The following DNAJC13 variants were observed in gnomAD, a reference collection of about 807,000 sequenced individuals.
DNAJC13 encodes DnaJ heat shock protein family (Hsp40) member C13.
Under a neutral mutation model 290.5 loss-of-function variants are expected in DNAJC13, and 75 were observed. That is an observed-to-expected ratio of 0.26 (90% CI 0.21 to 0.31). DNAJC13 has a LOEUF of 0.31. Ranked by LOEUF, DNAJC13 falls within the 10% of genes least tolerant of loss-of-function variation. The probability of loss-of-function intolerance (pLI) is 1.00; values close to 1 mark genes in which losing one functional copy is unlikely to be tolerated. For synonymous variants in DNAJC13, 862 were observed against 892.0 expected, an observed-to-expected ratio of 0.97 and a Z score of 0.60; for missense variants, 2,260 against 2,674.5, an observed-to-expected ratio of 0.85 and a Z score of 3.42.
At chr3:132,474,827 T>TTG in intron 21 of DNAJC13, 105 bp from the exon 22 acceptor site, 1 of 101,684 alleles carries the variant, frequency 9.8e-6, no homozygotes, top group Non-Finnish European at 2.0e-5. Flanking sequence ...CCCCCCCCCC[T>TTG]TTTTTTTTTT....
At chr3:132,514,211 C>T (rs1237638289) in intron 45 of DNAJC13, among the ~76,000 whole-genome samples, 1 of 152,100 alleles carries the variant, frequency 6.6e-6, no homozygotes, top group Non-Finnish European at 1.5e-5. Flanking sequence ...TAACCCCAAT[C>T]TATTGTGCAG....
intron 54 of DNAJC13, among the ~76,000 whole-genome samples, chr3:132,528,919 G>A (rs575173099): frequency 6.6e-6 from 1 of 151,936 alleles, no homozygotes; most frequent in African/African-American, 2.4e-5. Context: ...CTCATTCAGT[G>A]TACTATATAG....
chr3:132,471,106 G>C lies in DNAJC13; in HGVS notation c.2209-2039G>C, dbSNP rs993774383. On this transcript the variant is annotated intron_variant, in intron 20 of 55. Coordinates refer to ENST00000260818, the MANE Select transcript of DNAJC13 (RefSeq NM_015268.4). ...TCCCTCCCGGACGGGGCGGCTGGCC[G>C]GGTGGGGGGGCTGACCCCCCCATCT... 7.4e-5 allele frequency among the ~76,000 whole-genome samples: 10 copies of C among 134,588 alleles called. No individual in the cohort carries two copies. In the East Asian group the frequency reaches 1.7e-3, roughly 22 times the overall value. 88.3% of individuals were successfully genotyped at this position (134,588 alleles called of 152,430 possible).
intron 43 of DNAJC13, among the ~76,000 whole-genome samples, chr3:132,508,608 A>G (rs986933692): frequency 2.0e-5 from 3 of 152,204 alleles, no homozygotes; most frequent in Admixed American, 6.5e-5. Context: ...AAAAGTGGCT[A>G]TAATAGACAC....
intron 26 of DNAJC13, among the ~76,000 whole-genome samples, chr3:132,480,786 G>A (rs1345114657): frequency 6.6e-6 from 1 of 152,302 alleles, no homozygotes; most frequent in East Asian, 1.9e-4. Flanking sequence ...ACATTGGCAA[G>A]CAGTAAGAAT....
chr3:132,488,009 C>G (rs1002230352), intron 29 of DNAJC13, among the ~76,000 whole-genome samples: 1 of 152,104 alleles, frequency 6.6e-6, no homozygotes, highest in Non-Finnish European at 1.5e-5. Context: ...AAGATTCTTG[C>G]ACAAGAAGCA....
chr3:132,501,624 T>TC lies in DNAJC13; in HGVS notation c.4537-664dup, dbSNP rs142979006. Among the ~76,000 whole-genome samples, 668 of 151,944 alleles carry TC rather than the reference T, an allele frequency of 4.4e-3. 5 individuals are homozygous for TC. Among genetic ancestry groups the TC allele is most frequent in the African/African-American group, 0.014 (596 of 41,428 alleles). Reference sequence around the variant, plus strand: ...ATGTAAAACCTGAAAACTAGAGAGTTCGGCACTGCTTGGTGGGAAAGGCTT... The same window carrying TC: ...ATGTAAAACCTGAAAACTAGAGAGTTCCGGCACTGCTTGGTGGGAAAGGCTT... On this transcript the variant is annotated intron_variant, in intron 39 of 55. Transcript: ENST00000260818.
chr3:132,502,254 T>G lies in DNAJC13; in HGVS notation c.4537-35T>G, dbSNP rs753956694. The G allele has an allele frequency of 7.5e-6, 11 of 1,472,070 alleles. No homozygotes were observed. In the South Asian group the frequency reaches 1.6e-4, roughly 22 times the overall value. The allele number at this position is 1,472,070 out of a possible 1,614,324, so 91.2% of individuals were successfully genotyped here. ...GAGCTTTTTTTTTTTTTTTTAACTC[T>G]GTAACAACTAATGCTCTCATTTTTA... On this transcript the variant is annotated intron_variant, in intron 39 of 55. Transcript: ENST00000260818.
chr3:132,514,590 C>T lies in DNAJC13; in HGVS notation c.5405C>T (p.Ser1802Phe). The T allele has an allele frequency of 6.2e-7, 1 of 1,606,672 alleles. No individual in the cohort carries two copies. Among genetic ancestry groups the T allele is most frequent in the Non-Finnish European group, 8.5e-7 (1 of 1,177,318 alleles). ...LALEVVNIVT[S>F]NQDCVNNIAE... ...TTTCAGGTTGTGAATATAGTGACAT[C>T]TAACCAAGACTGTGTCAACAATATT... Residue 1802 changes from serine to phenylalanine, a missense_variant, in exon 46 of 56, where the codon TCT becomes TTT. Physicochemically the swap from Ser to Phe is radical, Grantham distance 155 (BLOSUM62 -2). Around this residue, in one of 3 missense-constraint regions of DNAJC13, gnomAD observed 1,494 missense variants for 1,693.7 expected, o/e 0.88. Coordinates refer to ENST00000260818, the MANE Select transcript of DNAJC13 (RefSeq NM_015268.4).
At chr3:132,474,603 G>T (rs1177611643) in intron 21 of DNAJC13, among the ~76,000 whole-genome samples, 1 of 144,502 alleles carries the variant, frequency 6.9e-6, no homozygotes, top group African/African-American at 2.5e-5. Context: ...AATATCAGGT[G>T]TTTTTTTTTT....
intron 30 of DNAJC13, 151 bp from the exon 31 acceptor site, chr3:132,488,825 T>C: frequency 1.6e-6 from 1 of 626,720 alleles, no homozygotes; most frequent in Non-Finnish European, 2.8e-6. Context: ...TCTTGCCTTA[T>C]TCAGAAATTA....
chr3:132,432,899 C>T (rs1939278994), intron 1 of DNAJC13, among the ~76,000 whole-genome samples: 1 of 152,192 alleles, frequency 6.6e-6, no homozygotes, highest in African/African-American at 2.4e-5. Context: ...AGTTTCTAAA[C>T]ACTTAATCTC....
rs993984782 is a variant in DNAJC13, at chr3:132,456,643, A to G, written c.1180-20A>G. On this transcript the variant is annotated intron_variant, in intron 11 of 55. Coordinates refer to ENST00000260818, the MANE Select transcript of DNAJC13 (RefSeq NM_015268.4). ...ACTTTTGGTATGGAAACTTTTTTGA[A>G]ATACTCTTTCTTCACCTAGGGTCTC... is the stretch of plus-strand genomic sequence containing the variant. 76 of 1,612,444 alleles carry G rather than the reference A, an allele frequency of 4.7e-5. No homozygotes were observed. The highest frequency in any genetic ancestry group is 6.2e-5 in the Non-Finnish European group (73 of 1,179,542).
chr3:132,442,875 G>C (rs1933118014), intron 2 of DNAJC13, among the ~76,000 whole-genome samples: 1 of 152,132 alleles, frequency 6.6e-6, no homozygotes, highest in South Asian at 2.1e-4. Context: ...TCTTTTTTCT[G>C]ATGTTATACT....
chr3:132,433,954 C>T (rs1296924274), intron 1 of DNAJC13, among the ~76,000 whole-genome samples: 1 of 152,218 alleles, frequency 6.6e-6, no homozygotes, highest in Non-Finnish European at 1.5e-5. Context: ...TGGCTCACGC[C>T]TGTAATCCCA....
At position 132,473,159 on chromosome 3, in the gene DNAJC13, G is replaced by A. The variant is rs1207105818; in HGVS notation, c.2223G>A (p.Lys741=). The A allele has an allele frequency of 6.8e-6, 11 of 1,611,068 alleles. No individual in the cohort carries two copies. Among genetic ancestry groups the A allele is most frequent in the Non-Finnish European group, 9.3e-6 (11 of 1,178,886 alleles). The part of the protein sequence containing the change: ...GIAQKENINQ[K]PVVLRKRRQR... ...TTCTGTTCCAGAATATAAATCAGAA[G>A]CCAGTGGTTCTTCGAAAGAGAAGAC... The change falls in exon 21 of 56, where the codon AAG becomes AAA. Residue 741 remains lysine, a synonymous_variant. Coordinates refer to ENST00000260818, the MANE Select transcript of DNAJC13 (RefSeq NM_015268.4).
chr3:132,499,433 A>G (rs1935343280), intron 37 of DNAJC13, 123 bp downstream of exon 37: 2 of 874,946 alleles, frequency 2.3e-6, no homozygotes, highest in African/African-American at 1.7e-5. Flanking sequence ...ATAACACAAT[A>G]TTTTCCATAT....
chr3:132,442,684 A>G (rs1405459721), intron 2 of DNAJC13, among the ~76,000 whole-genome samples: 1 of 152,214 alleles, frequency 6.6e-6, no homozygotes, highest in African/African-American at 2.4e-5. Flanking sequence ...CCTAATGGTA[A>G]CATAAGTTAT....
At chr3:132,522,130 A>G (rs1460731216) in intron 48 of DNAJC13, among the ~76,000 whole-genome samples, 1 of 152,232 alleles carries the variant, frequency 6.6e-6, no homozygotes, top group Non-Finnish European at 1.5e-5. Flanking sequence ...GCAATGAGTA[A>G]GAAAGATTGG....
Sources: gnomAD v4.1 joint callset for allele counts (sites outside exome capture counted in the v4.1 genomes callset) on GRCh38, gnomAD v4.1.1 for gene constraint, gnomAD v4.1.1 regional missense constraint, MANE v1.5 for transcripts, NCBI Gene and HGNC (gene_info 2026-07-23, HGNC 2026-07-21) for gene names.